Variants in LARP4B observed in about 807,000 individuals in gnomAD.
LARP4B encodes la-related protein 4B.
LARP4B carries 12 observed loss-of-function variants against 89.8 expected under a neutral mutation model. The ratio of observed to expected loss-of-function variants is 0.13; its 90% CI spans 0.09 to 0.22. The LOEUF (loss-of-function observed/expected upper bound fraction) is 0.22, where lower values mean the gene tolerates loss of function less well. Ranked by LOEUF, LARP4B falls within the 10% of genes least tolerant of loss-of-function variation. The pLI, the probability that LARP4B is intolerant of heterozygous loss-of-function variation, is 1.00. For synonymous variants in LARP4B, 367 were observed against 363.3 expected (o/e 1.01, Z -0.12); for missense variants, 757 against 947.7 (o/e 0.80, Z 2.64).
intron 7 of LARP4B, 26 bp from the exon 8 acceptor site, chr10:836,532 T>C: frequency 2.1e-6 from 3 of 1,409,512 alleles, no homozygotes; most frequent in Non-Finnish European, 3.0e-6. Context: ...AAATCAATGG[T>C]GAAACAAAAA....
At chr10:856,472 A>G (rs1283650332) in intron 5 of LARP4B, among the ~76,000 whole-genome samples, 1 of 152,244 alleles carries the variant, frequency 6.6e-6, no homozygotes, top group African/African-American at 2.4e-5. Flanking sequence ...AAGGCAAACA[A>G]CTGCTGCCAA....
intron 6 of LARP4B, among the ~76,000 whole-genome samples, chr10:843,934 G>A (rs770081356): frequency 2.6e-5 from 4 of 152,122 alleles, no homozygotes; most frequent in African/African-American, 9.7e-5. Context: ...CAGCAGTTTG[G>A]GCCATGATGA....
At chr10:951,159 A>G in the LARP4B span, among the ~76,000 whole-genome samples, 1 of 152,086 alleles carries the variant, frequency 6.6e-6, no homozygotes, top group East Asian at 1.9e-4. Context: ...TTAGGCTGGG[A>G]GCTTCAGTCT....
chr10:868,887 TCATGAATAAAC>T, intron 3 of LARP4B, among the ~76,000 whole-genome samples: 1 of 152,368 alleles, frequency 6.6e-6, no homozygotes, highest in Admixed American at 6.5e-5. Context: ...CCCACAAAAA[TCATGAATAAAC>T]CACTGGTTGA....
At chr10:881,712 A>G (rs1334692989) in intron 3 of LARP4B, among the ~76,000 whole-genome samples, 2 of 152,208 alleles carry the variant, frequency 1.3e-5, no homozygotes, top group East Asian at 3.8e-4. Flanking sequence ...TTGCTTGACT[A>G]GGGGCAAGAT....
At chr10:974,864 G>A in the LARP4B span, among the ~76,000 whole-genome samples, 1 of 152,260 alleles carries the variant, frequency 6.6e-6, no homozygotes, top group Non-Finnish European at 1.5e-5. Context: ...CTGTTGCACA[G>A]ACGCTCAAGC....
At chr10:931,158 C>T (rs772645727) in intron 1 of LARP4B, among the ~76,000 whole-genome samples, 40 of 148,998 alleles carry the variant, frequency 2.7e-4, no homozygotes, top group Admixed American at 4.7e-4. Context: ...CCCCAGTTTT[C>T]CCCTGCCCCG....
At chr10:965,435 C>G in the LARP4B span, among the ~76,000 whole-genome samples, 1 of 151,990 alleles carries the variant, frequency 6.6e-6, no homozygotes, top group African/African-American at 2.4e-5. Context: ...GGTGCCCGCT[C>G]CCCCCCGTTT....
chr10:884,943 A>G (rs1016340913), intron 2 of LARP4B, among the ~76,000 whole-genome samples: 15 of 152,250 alleles, frequency 9.9e-5, no homozygotes, highest in Non-Finnish European at 1.5e-4. Context: ...ATCTAGAGCT[A>G]TAACAATTTT....
chr10:976,320 G>C, the LARP4B span, among the ~76,000 whole-genome samples: 5 of 148,872 alleles, frequency 3.4e-5, no homozygotes, highest in Non-Finnish European at 1.5e-5. Context: ...GTCGTGCAAC[G>C]TGTGGACCCG....
At chr10:929,948 T>C (rs529372171) in intron 1 of LARP4B, among the ~76,000 whole-genome samples, 1 of 152,276 alleles carries the variant, frequency 6.6e-6, no homozygotes, top group Admixed American at 6.5e-5. Flanking sequence ...TTAAGCTATT[T>C]CTTATATGGT....
At chr10:918,892 C>T (rs11253511) in intron 1 of LARP4B, among the ~76,000 whole-genome samples, 24,421 of 151,672 alleles carry the variant, frequency 0.16, 2,419 homozygotes, top group Non-Finnish European at 0.23. Context: ...CTGGCTAACA[C>T]GGTGAAACCC....
At chr10:934,116 G>A (rs1330336935), upstream of LARP4B, among the ~76,000 whole-genome samples, 1 of 152,066 alleles carries the variant, frequency 6.6e-6, no homozygotes, top group Non-Finnish European at 1.5e-5. Context: ...ACAGGCGTGA[G>A]CCACCGTTCC....
At chr10:848,063 C>G (rs1564403127) in intron 5 of LARP4B, among the ~76,000 whole-genome samples, 1 of 152,200 alleles carries the variant, frequency 6.6e-6, no homozygotes, top group Non-Finnish European at 1.5e-5. Flanking sequence ...CTTTGCAAAG[C>G]ACGGATGTGA....
At chr10:892,024 G>A (rs1039989927) in intron 1 of LARP4B, among the ~76,000 whole-genome samples, 4 of 152,142 alleles carry the variant, frequency 2.6e-5, no homozygotes, top group Admixed American at 6.5e-5. Flanking sequence ...ATTGCCTCCC[G>A]GCATGGCCTA....
chr10:988,054 T>C, the LARP4B span: 1 of 157,450 alleles, frequency 6.4e-6, no homozygotes, highest in Non-Finnish European at 1.4e-5. Context: ...ACCCCCAGAC[T>C]CCCGGATCCC....
Position 853,984 on chromosome 10 carries a change from CT to C in LARP4B, c.431-8930del, listed in dbSNP as rs567049471. On this transcript the variant is annotated intron_variant, in intron 5 of 17. Transcript: ENST00000316157. ...TCAATCCTCTCAAACCCTGCTGCTG[CT>C]TTATCAGCTAGGTTTATGGAATATT... 3.7e-3 allele frequency among the ~76,000 whole-genome samples: 569 copies of C among 152,350 alleles called. 4 individuals carry two copies. The highest frequency in any genetic ancestry group is 0.013 in the African/African-American group (535 of 41,576).
chr10:821,837 T>C (rs11817423), intron 13 of LARP4B, among the ~76,000 whole-genome samples: 5,048 of 152,280 alleles, frequency 0.033, 107 homozygotes, highest in Admixed American at 0.065. Context: ...CAGAAAACTT[T>C]CTGGAAATAG....
At chr10:952,478 G>C in the LARP4B span, among the ~76,000 whole-genome samples, 1 of 132,914 alleles carries the variant, frequency 7.5e-6, no homozygotes, top group East Asian at 2.3e-4. Context: ...GGAAGAAATC[G>C]CACCAGCCCA....
Sources: gnomAD v4.1 joint callset for allele counts (sites outside exome capture counted in the v4.1 genomes callset) on GRCh38, gnomAD v4.1.1 for gene constraint, MANE v1.5 for transcripts, NCBI Gene and HGNC (gene_info 2026-07-23, HGNC 2026-07-21) for gene names.